GPCPD1: variants seen among roughly 807,000 people sequenced by gnomAD.
GPCPD1 encodes the protein glycerophosphocholine phosphodiesterase 1.
In GPCPD1, 29 loss-of-function variants were observed where a neutral mutation model predicts 89.2. The observed-to-expected ratio is 0.33, with a 90% CI of 0.24 to 0.44. The LOEUF is 0.44. Among genes scored for constraint, GPCPD1 ranks in the 20% least tolerant of loss-of-function variants. The probability of loss-of-function intolerance (pLI) is 1.00; values close to 1 mark genes in which losing one functional copy is unlikely to be tolerated. For missense variants in GPCPD1, 594 were observed against 808.9 expected (o/e 0.73, Z 3.22); for synonymous variants, 258 against 266.3 (o/e 0.97, Z 0.30).
intron 3 of GPCPD1, among the ~76,000 whole-genome samples, chr20:5,597,162 C>T (rs1979789473): frequency 6.6e-6 from 1 of 152,134 alleles, no homozygotes; most frequent in Non-Finnish European, 1.5e-5. Flanking sequence ...ACCAACAGAA[C>T]TCTTATAAGG....
chr20:5,595,909 G>A (rs1979690013), intron 3 of GPCPD1, among the ~76,000 whole-genome samples: 1 of 152,112 alleles, frequency 6.6e-6, no homozygotes, highest in South Asian at 2.1e-4. Flanking sequence ...AATAAGCTGT[G>A]AAAAACGTGC....
At chr20:5,598,161 C>G (rs1157930412) in intron 3 of GPCPD1, among the ~76,000 whole-genome samples, 1 of 151,876 alleles carries the variant, frequency 6.6e-6, no homozygotes. Context: ...CATAACCAGA[C>G]ACCACCTTTG....
intron 2 of GPCPD1, among the ~76,000 whole-genome samples, chr20:5,602,911 G>C (rs1024138293): frequency 1.3e-5 from 2 of 151,168 alleles, no homozygotes; most frequent in African/African-American, 4.9e-5. Context: ...TGAATTCGAG[G>C]AGCAGAGGTT....
In GPCPD1 at chr20:5,545,855, C is replaced by G. The variant is rs974319818; in HGVS notation, c.*1806G>C. 1 of 152,366 alleles carries G rather than the reference C, an allele frequency of 6.6e-6. No homozygotes were observed. Among genetic ancestry groups the G allele is most frequent in the African/African-American group, 2.4e-5 (1 of 41,448 alleles). 9.4% of individuals were successfully genotyped at this position (152,366 alleles called of 1,614,324 possible). The stretch of plus-strand genomic sequence containing the variant: ...TGACCTCCTTCCTTCATCCTTTCTT[C>G]TGTCTCCTTTTTCTCTTTATGATCT... On this transcript the variant is annotated 3_prime_UTR_variant, in exon 20 of 20. Transcript: ENST00000379019.
chr20:5,560,110 C>T (rs367583740), intron 16 of GPCPD1, 34 bp from the exon 17 acceptor site: 5 of 1,474,038 alleles, frequency 3.4e-6, no homozygotes, highest in Non-Finnish European at 4.5e-6. Context: ...AAAGTCACTG[C>T]ACATCCTAAA....
intron 12 of GPCPD1, among the ~76,000 whole-genome samples, chr20:5,568,229 A>AGT (rs935780831): frequency 5.5e-5 from 7 of 127,494 alleles, no homozygotes; most frequent in South Asian, 2.3e-4. Context: ...AAATATACTT[A>AGT]GTATATATAT....
intron 19 of GPCPD1, among the ~76,000 whole-genome samples, chr20:5,551,374 C>A (rs1450488500): frequency 2.0e-5 from 3 of 152,046 alleles, no homozygotes; most frequent in Admixed American, 2.0e-4. Flanking sequence ...ACTGGGTTGC[C>A]GCATAAAATA....
rs992231846 is a variant in GPCPD1 at position 5,549,182 on chromosome 20, C to T, written c.1830-1332G>A. 1.5e-4 allele frequency: 97 copies of T among 667,926 alleles called. 1 individual carries two copies. The East Asian group carries it at 1.6e-3, about 11-fold the overall frequency. The allele number at this position is 667,926 out of a possible 1,614,324, so 41.4% of individuals were successfully genotyped here. A position where few individuals can be genotyped will look rare whatever the true frequency, so the allele number is the denominator to read the frequency against. On this transcript the variant is annotated intron_variant, in intron 19 of 19. Coordinates refer to ENST00000379019, the MANE Select transcript of GPCPD1 (RefSeq NM_019593.5). The stretch of plus-strand genomic sequence containing the variant: ...AGGATGATGGCTAATTTACATTGAA[C>T]AAACAGCAGAGATGAAGGGACCTCA...
intron 6 of GPCPD1, 120 bp from the exon 7 acceptor site, chr20:5,580,251 G>T: frequency 1.9e-6 from 1 of 539,040 alleles, no homozygotes; most frequent in Non-Finnish European, 3.3e-6. Flanking sequence ...AACCTCCAAA[G>T]GAAATACATT....
chr20:5,586,906 G>A (rs1978964314), intron 4 of GPCPD1, among the ~76,000 whole-genome samples: 1 of 152,172 alleles, frequency 6.6e-6, no homozygotes, highest in African/African-American at 2.4e-5. Flanking sequence ...TAAACTTGAA[G>A]AGCAAGTGTG....
At chr20:5,608,805 A>G (rs16991130) in intron 1 of GPCPD1, among the ~76,000 whole-genome samples, 5,020 of 152,296 alleles carry the variant, frequency 0.033, 189 homozygotes, top group East Asian at 0.16. Context: ...TGGTTTTTGA[A>G]AACGTAACAT....
chr20:5,558,562 C>A (rs1043894315), intron 18 of GPCPD1, 122 bp downstream of exon 18: 4 of 581,370 alleles, frequency 6.9e-6, no homozygotes. Context: ...AGTAGAGCCA[C>A]TTGTTTGCTA....
intron 19 of GPCPD1, among the ~76,000 whole-genome samples, chr20:5,557,565 C>T (rs1272149476): frequency 1.3e-5 from 2 of 152,076 alleles, no homozygotes; most frequent in Non-Finnish European, 2.9e-5. Context: ...TAAAAGTCTA[C>T]AGAGGTCTAG....
chr20:5,557,086 G>T (rs1395034168), intron 19 of GPCPD1, among the ~76,000 whole-genome samples: 3 of 152,208 alleles, frequency 2.0e-5, no homozygotes, highest in Non-Finnish European at 4.4e-5. Context: ...ACAGCAGATG[G>T]GGGAATTTTG....
intron 19 of GPCPD1, among the ~76,000 whole-genome samples, chr20:5,557,374 A>T (rs1026408368): frequency 2.0e-5 from 3 of 152,260 alleles, no homozygotes; most frequent in African/African-American, 7.2e-5. Context: ...ACAACAGTTA[A>T]CTTGGTGAGT....
At chr20:5,572,816 AT>A (rs61600561) in intron 11 of GPCPD1, among the ~76,000 whole-genome samples, 80,079 of 143,684 alleles carry the variant, frequency 0.56, 23,450 homozygotes, top group African/African-American at 0.81. Context: ...AAAAAAAAAA[AT>A]AAGGAGTTAA....
rs1253208869 is a variant in GPCPD1 at position 5,586,399 on chromosome 20, T to TTA, written c.232-132_232-131dup. ...CAAAAGATTCATCTTATTATCAATA[T>TTA]TATATGCCAAAAGCCTGGAATGTAC... is the stretch of plus-strand genomic sequence containing the variant. On this transcript the variant is annotated intron_variant, in intron 4 of 19. Transcript: ENST00000379019. The TTA allele has an allele frequency of 1.4e-5, 8 of 587,128 alleles. No individual in the cohort carries two copies. The Admixed American group carries it at 2.3e-4, about 17-fold the overall frequency. The allele number at this position is 587,128 out of a possible 1,614,324, so 36.4% of individuals were successfully genotyped here.
chr20:5,591,679 C>T (rs886353152), intron 4 of GPCPD1, among the ~76,000 whole-genome samples: 1 of 152,130 alleles, frequency 6.6e-6, no homozygotes, highest in Non-Finnish European at 1.5e-5. Flanking sequence ...TACAACTAGA[C>T]AAAGTTTCAT....
At chr20:5,574,477 G>A (rs1251048153) in intron 10 of GPCPD1, among the ~76,000 whole-genome samples, 1 of 152,196 alleles carries the variant, frequency 6.6e-6, no homozygotes, top group African/African-American at 2.4e-5. Flanking sequence ...GCTCACGCCT[G>A]TAACCCCAGC....
Sources: gnomAD v4.1 joint callset for allele counts (sites outside exome capture counted in the v4.1 genomes callset) on GRCh38, gnomAD v4.1.1 for gene constraint, MANE v1.5 for transcripts, NCBI Gene and HGNC (gene_info 2026-07-23, HGNC 2026-07-21) for gene names.